PIGU: variants seen among roughly 807,000 people sequenced by gnomAD.
PIGU encodes phosphatidylinositol glycan anchor biosynthesis class U.
A neutral mutation model predicts 49.9 loss-of-function variants in PIGU; 24 were observed. That is an observed-to-expected ratio of 0.48 (90% CI 0.35 to 0.68). The LOEUF (loss-of-function observed/expected upper bound fraction) is 0.68. Among genes scored for constraint, PIGU ranks in the 30% least tolerant of loss-of-function variants. The pLI is 0.01. For synonymous variants in PIGU, 220 were observed against 205.7 expected (o/e 1.07, Z -0.59); for missense variants, 490 against 532.6 (o/e 0.92, Z 0.79).
chr20:34,676,656 C>T (rs1987510139), intron 1 of PIGU, among the ~76,000 whole-genome samples: 2 of 152,210 alleles, frequency 1.3e-5, no homozygotes, highest in African/African-American at 2.4e-5. Context: ...TCCAACCCTT[C>T]CCACAGACCA....
At chr20:34,625,427 TCAC>T (rs1985441856) in intron 6 of PIGU, among the ~76,000 whole-genome samples, 1 of 149,564 alleles carries the variant, frequency 6.7e-6, no homozygotes, top group African/African-American at 2.5e-5. Context: ...GAAATAAAAC[TCAC>T]CCATGAACTT....
intron 4 of PIGU, among the ~76,000 whole-genome samples, chr20:34,642,693 CATATATAT>C (rs11472795): frequency 8.3e-6 from 1 of 120,292 alleles, no homozygotes; most frequent in African/African-American, 3.1e-5. Context: ...ACACATATCT[CATATATAT>C]ATATATATAT....
chr20:34,582,527 A>G (rs975170965), intron 9 of PIGU, among the ~76,000 whole-genome samples: 7 of 152,200 alleles, frequency 4.6e-5, no homozygotes, highest in South Asian at 4.2e-4. Context: ...AAAAAATTTA[A>G]AAATTAGCCG....
At chr20:34,609,121 AAACCAACC>A (rs919801360) in intron 7 of PIGU, among the ~76,000 whole-genome samples, 1 of 152,040 alleles carries the variant, frequency 6.6e-6, no homozygotes, top group African/African-American at 2.4e-5. Context: ...CTCTAAAAAA[AAACCAACC>A]AACCAACCAA....
At chr20:34,626,302 AC>A (rs947745225) in intron 6 of PIGU, among the ~76,000 whole-genome samples, 1 of 135,866 alleles carries the variant, frequency 7.4e-6, no homozygotes, top group African/African-American at 2.7e-5. Flanking sequence ...AAAACTCCAA[AC>A]TTTTTTTTTT....
intron 1 of PIGU, among the ~76,000 whole-genome samples, chr20:34,675,722 C>T (rs989527430): frequency 6.6e-6 from 1 of 152,102 alleles, no homozygotes; most frequent in African/African-American, 2.4e-5. Flanking sequence ...AACATCAAAA[C>T]GTTAGCCTTG....
At chr20:34,593,793 T>G (rs1002126664) in intron 7 of PIGU, among the ~76,000 whole-genome samples, 1 of 152,148 alleles carries the variant, frequency 6.6e-6, no homozygotes, top group Non-Finnish European at 1.5e-5. Context: ...CATGGTGAAC[T>G]TGTCTTTAAC....
chr20:34,619,988 A>G (rs1266187873), intron 6 of PIGU, among the ~76,000 whole-genome samples: 2 of 152,026 alleles, frequency 1.3e-5, no homozygotes, highest in African/African-American at 4.8e-5. Context: ...TTATCCTTTC[A>G]GTTCTTGCTC....
At chr20:34,599,803 G>A (rs1600616091) in intron 7 of PIGU, among the ~76,000 whole-genome samples, 2 of 152,258 alleles carry the variant, frequency 1.3e-5, no homozygotes, top group Middle Eastern at 6.8e-3. Flanking sequence ...TTAGGTGAGA[G>A]GAATCTGACC....
intron 2 of PIGU, among the ~76,000 whole-genome samples, chr20:34,649,726 G>C (rs1028945701): frequency 6.6e-6 from 1 of 151,734 alleles, no homozygotes; most frequent in African/African-American, 2.4e-5. Flanking sequence ...GTAGAAACAG[G>C]GTTTCACCAT....
chr20:34,570,111 T>C (rs1982941388), intron 11 of PIGU, among the ~76,000 whole-genome samples: 1 of 152,210 alleles, frequency 6.6e-6, no homozygotes, highest in Non-Finnish European at 1.5e-5. Context: ...AGTAGTTACA[T>C]AAAGTGTGGT....
intron 7 of PIGU, among the ~76,000 whole-genome samples, chr20:34,597,689 G>C (rs114085995): frequency 0.014 from 2,097 of 152,318 alleles, 53 homozygotes; most frequent in African/African-American, 0.048. Context: ...CAAAATGTAT[G>C]AAAAATAAGA....
chr20:34,565,933 C>T (rs1158723606), intron 11 of PIGU, among the ~76,000 whole-genome samples: 12 of 151,912 alleles, frequency 7.9e-5, no homozygotes, highest in African/African-American at 1.7e-4. Flanking sequence ...TGCTCAGACA[C>T]GCTCACATTG....
intron 1 of PIGU, among the ~76,000 whole-genome samples, chr20:34,670,629 T>C (rs962208031): frequency 6.6e-6 from 1 of 152,076 alleles, no homozygotes; most frequent in Non-Finnish European, 1.5e-5. Context: ...AGCCTCCACC[T>C]CCTGGGCTCA....
chr20:34,623,206 T>C (rs1985314719), intron 6 of PIGU, among the ~76,000 whole-genome samples: 1 of 151,494 alleles, frequency 6.6e-6, no homozygotes, highest in South Asian at 2.1e-4. Context: ...TCAAAAGGGC[T>C]CAGGTCCCAC....
At chr20:34,617,580 C>T (rs998785872) in intron 6 of PIGU, among the ~76,000 whole-genome samples, 1 of 152,144 alleles carries the variant, frequency 6.6e-6, no homozygotes, top group Admixed American at 6.6e-5. Context: ...TAGGAAGTAA[C>T]TAATTTGCTT....
chr20:34,623,182 G>A (rs1300637265), intron 6 of PIGU, among the ~76,000 whole-genome samples: 5 of 151,586 alleles, frequency 3.3e-5, no homozygotes, highest in Admixed American at 2.6e-4. Flanking sequence ...AGGCAGAAAC[G>A]CACTGGAATG....
intron 1 of PIGU, among the ~76,000 whole-genome samples, chr20:34,671,111 A>G (rs1275521154): frequency 6.6e-6 from 1 of 152,190 alleles, no homozygotes; most frequent in Non-Finnish European, 1.5e-5. Flanking sequence ...CAAATGACTT[A>G]ATCTCTCCAT....
intron 7 of PIGU, among the ~76,000 whole-genome samples, chr20:34,592,289 G>C (rs2146717627): frequency 6.6e-6 from 1 of 150,722 alleles, no homozygotes; most frequent in South Asian, 2.1e-4. Flanking sequence ...AGAAAAAACA[G>C]AATAAACCCC....
Sources: allele counts gnomAD v4.1 joint callset (sites outside exome capture counted in the v4.1 genomes callset), GRCh38; gene constraint gnomAD v4.1.1; transcripts MANE v1.5; gene names NCBI Gene and HGNC (gene_info 2026-07-23, HGNC 2026-07-21).